CPLANE1: variants seen among roughly 807,000 people sequenced by gnomAD.
CPLANE1 encodes the protein ciliogenesis and planar polarity effector complex subunit 1, also known as ciliogenesis and planar polarity effector 1.
Under a neutral mutation model 362.5 loss-of-function variants are expected in CPLANE1, and 263 were observed. That is an observed-to-expected ratio of 0.73 (90% CI 0.66 to 0.80). The LOEUF (loss-of-function observed/expected upper bound fraction) is 0.80. Ranked by LOEUF, CPLANE1 falls within the 30% of genes least tolerant of loss-of-function variation. CPLANE1 has a pLI of 0.00. For missense variants in CPLANE1, 3,461 were observed against 3,793.4 expected, an observed-to-expected ratio of 0.91 and a Z score of 2.30; for synonymous variants, 1,212 against 1,302.6, an observed-to-expected ratio of 0.93 and a Z score of 1.50.
At chr5:37,172,909 G>A (rs1006934504) in intron 32 of CPLANE1, among the ~76,000 whole-genome samples, 2 of 152,154 alleles carry the variant, frequency 1.3e-5, no homozygotes, top group African/African-American at 4.8e-5. Context: ...GCTTGAACCT[G>A]GGAGGCAGAG....
intron 45 of CPLANE1, 75 bp from the exon 46 acceptor site, chr5:37,138,923 G>T: frequency 7.8e-7 from 1 of 1,282,390 alleles, no homozygotes; most frequent in South Asian, 1.4e-5. Flanking sequence ...AAATAAACAT[G>T]TAACAAATGA....
Position 37,238,885 on chromosome 5 carries a change from T to A in CPLANE1, c.910A>T (p.Ser304Cys). 1.3e-6 allele frequency: 2 copies of A among 1,529,546 alleles called. No individual in the cohort carries two copies. Among genetic ancestry groups the A allele is most frequent in the Non-Finnish European group, 1.8e-6 (2 of 1,137,716 alleles). The allele number at this position is 1,529,546 out of a possible 1,614,324, so 94.7% of individuals were successfully genotyped here. A position where few individuals can be genotyped will look rare whatever the true frequency, so the allele number is the denominator to read the frequency against. ...CGSLKGCSNKSPVVPATLIRS... is the reference protein window; with the variant it reads ...CGSLKGCSNKCPVVPATLIRS... ...ATAAGTGTAGCTGGAACCACGGGAC[T>A]CTTGTTACTACATCCTTTAAGGCTA... Residue 304 changes from serine to cysteine, a missense_variant, in exon 8 of 53, where the codon AGT becomes TGT. Physicochemically the swap from Ser to Cys is moderately radical, Grantham distance 112. Coordinates refer to ENST00000651892, the MANE Select transcript of CPLANE1 (RefSeq NM_001384732.1).
rs570730260 is a variant in CPLANE1 at position 37,130,881 on chromosome 5, G to A, written c.8793-5472C>T. ...TCCTCCTATCTAGGAAAAATGGAATGTCAGAAGTCAACAAAATGGATAAAC... is the reference window on the plus strand; with the variant it reads ...TCCTCCTATCTAGGAAAAATGGAATATCAGAAGTCAACAAAATGGATAAAC... On this transcript the variant is annotated intron_variant, in intron 46 of 52. Transcript: ENST00000651892. Among the ~76,000 whole-genome samples, 3 of 152,330 alleles carry A rather than the reference G, an allele frequency of 2.0e-5. No individual in the cohort carries two copies. The East Asian group carries it at 5.8e-4, about 29-fold the overall frequency.
chr5:37,173,793 T>G lies in CPLANE1; in HGVS notation c.6133A>C (p.Arg2045=). 1 of 1,614,202 alleles carries G rather than the reference T, an allele frequency of 6.2e-7. No individual in the cohort carries two copies. Among genetic ancestry groups the G allele is most frequent in the Non-Finnish European group, 8.5e-7 (1 of 1,180,044 alleles). The change falls in exon 32 of 53, where the codon AGG becomes CGG. Residue 2045 remains arginine (R), a synonymous_variant. Transcript: ENST00000651892. ...AQLPDCSESV[R]QMLQDEMFKL... The stretch of plus-strand genomic sequence containing the variant: ...AACATTTCATCTTGCAGCATCTGCC[T>G]AACGGACTCCGAACAATCTGGTAAC...
chr5:37,132,508 C>A (rs1270348672), intron 46 of CPLANE1, among the ~76,000 whole-genome samples: 1 of 152,032 alleles, frequency 6.6e-6, no homozygotes, highest in East Asian at 1.9e-4. Context: ...CCACGCCCGG[C>A]TAATTTTTTT....
At chr5:37,247,473 T>C in intron 2 of CPLANE1, 145 bp downstream of exon 2, 1 of 578,974 alleles carries the variant, frequency 1.7e-6, no homozygotes, top group Non-Finnish European at 2.8e-6. Context: ...CCCTGTTCAG[T>C]GTGCAGGTAG....
chr5:37,195,877 T>C lies in CPLANE1; in HGVS notation c.3792A>G (p.Glu1264=), dbSNP rs920556502. 1 of 1,611,674 alleles carries C rather than the reference T, an allele frequency of 6.2e-7. No individual in the cohort carries two copies. The highest frequency in any genetic ancestry group is 1.1e-5 in the South Asian group (1 of 90,572). ...ACAAACCTATTGCTCTAATGGAAAC[T>C]TCATCAAGCTTGTGGTCTCCAGCTG... is the stretch of plus-strand genomic sequence containing the variant. The part of the protein sequence containing the change: ...PGAAGDHKLD[E]VSIRAIGCFR... Residue 1264 remains glutamate, a synonymous_variant, in exon 21 of 53, where the codon GAA becomes GAG. Coordinates refer to ENST00000651892, the MANE Select transcript of CPLANE1 (RefSeq NM_001384732.1).
rs979194217 is a variant in CPLANE1, at chr5:37,115,451, T to C, written c.9311-402A>G. 4.6e-5 allele frequency among the ~76,000 whole-genome samples: 7 copies of C among 152,176 alleles called. No individual in the cohort carries two copies. The South Asian group carries it at 8.3e-4, about 18-fold the overall frequency. On this transcript the variant is annotated intron_variant, in intron 50 of 52. Coordinates refer to ENST00000651892, the MANE Select transcript of CPLANE1 (RefSeq NM_001384732.1). Reference sequence around the variant, plus strand: ...TCAAAGATTAATAACAACCATTTACTTCCATGTTATGCAATATCTCTTATT... The same window carrying C: ...TCAAAGATTAATAACAACCATTTACCTCCATGTTATGCAATATCTCTTATT...
Position 37,205,866 on chromosome 5 carries a change from T to C in CPLANE1, c.3149+331A>G, listed in dbSNP as rs192653242. On this transcript the variant is annotated intron_variant, in intron 17 of 52. Transcript: ENST00000651892. ...GTAGTTGGGACCACAGGCACGATCA[T>C]CGCCCCTGGCTATTAATAAATGTTT... Among the ~76,000 whole-genome samples the C allele has an allele frequency of 9.7e-4, 148 of 152,272 alleles. 5 individuals are homozygous for C. The highest frequency in any genetic ancestry group is 6.6e-3 in the Admixed American group (101 of 15,288).
At chr5:37,121,541 G>C in intron 49 of CPLANE1, 76 bp downstream of exon 49, 1 of 1,361,166 alleles carries the variant, frequency 7.3e-7, no homozygotes, top group Non-Finnish European at 1.0e-6. Context: ...ACTGAACTTA[G>C]GTCACGAAAG....
chr5:37,078,715 A>ATT, the CPLANE1 span, among the ~76,000 whole-genome samples: 349 of 142,904 alleles, frequency 2.4e-3, 1 homozygote, highest in African/African-American at 5.7e-3. Context: ...AGCATCTGTT[A>ATT]TTTTTTTTTT....
intron 23 of CPLANE1, 42 bp downstream of exon 23, chr5:37,187,372 T>C (rs775298293): frequency 1.3e-6 from 2 of 1,492,438 alleles, no homozygotes; most frequent in South Asian, 2.6e-5. Context: ...TTTTAAAGTC[T>C]CTGATTCTGA....
chr5:37,238,746 A>G, intron 8 of CPLANE1, 111 bp downstream of exon 8: 1 of 491,426 alleles, frequency 2.0e-6, no homozygotes, highest in Non-Finnish European at 3.6e-6. Flanking sequence ...TGATCCTCTC[A>G]CCTTGGTTTC....
Position 37,209,985 on chromosome 5 carries a change from G to A in CPLANE1, c.2921-3560C>T. On this transcript the variant is annotated intron_variant, in intron 16 of 52. Transcript: ENST00000651892. The surrounding 1 kb of genome is among the most constrained non-coding windows in gnomAD (Gnocchi z 4.6). The stretch of plus-strand genomic sequence containing the variant: ...GCTAAATGAATATAAGAGAGAAATA[G>A]AAGAGCAACTTCGGGAAGAAATATG... The A allele has an allele frequency of 2.2e-6, 2 of 927,692 alleles. No homozygotes were observed. The highest frequency in any genetic ancestry group is 3.5e-6 in the Non-Finnish European group (2 of 567,824). 57.5% of individuals were successfully genotyped at this position (927,692 alleles called of 1,614,324 possible). A position where few individuals can be genotyped will look rare whatever the true frequency, so the allele number is the denominator to read the frequency against.
intron 25 of CPLANE1, 35 bp from the exon 26 acceptor site, chr5:37,183,734 G>T: frequency 7.2e-7 from 1 of 1,390,748 alleles, no homozygotes; most frequent in Non-Finnish European, 9.8e-7. Flanking sequence ...CAAAATTAGA[G>T]ATCATTTAAT....
In CPLANE1 at chr5:37,170,322, T is replaced by A; in HGVS notation, c.6181A>T (p.Ile2061Phe). Residue 2061 changes from isoleucine (I) to phenylalanine (F), a missense_variant, in exon 33 of 53, where the codon ATC becomes TTC. By Grantham distance (21) the Ile-to-Phe change is conservative. Around this residue, in one of 2 missense-constraint regions of CPLANE1, gnomAD observed 3,380 missense variants for 3,666.1 expected, o/e 0.92. Transcript: ENST00000651892. ...ATTTGCATTAGGCTCATGAAGTTGA[T>A]CTGTTGCAGCTTGAATAAAACAAAA... is the stretch of plus-strand genomic sequence containing the variant. ...EMFKLVQLQQ[I>F]NFMSLMQIVG... The A allele has an allele frequency of 6.2e-7, 1 of 1,612,424 alleles. No individual in the cohort carries two copies. The highest frequency in any genetic ancestry group is 8.5e-7 in the Non-Finnish European group (1 of 1,178,752).
rs1254026111 is a variant in CPLANE1 at position 37,197,668 on chromosome 5, G to A, written c.3672+1034C>T. ...GCTAAATTTGTGTTAATTTGGTAGG[G>A]TAGTAATAGAAAACTAATATGGCTC... is the stretch of plus-strand genomic sequence containing the variant. On this transcript the variant is annotated intron_variant, in intron 20 of 52. Transcript: ENST00000651892. 2.0e-5 allele frequency among the ~76,000 whole-genome samples: 3 copies of A among 152,148 alleles called. No individual in the cohort carries two copies. In the East Asian group the frequency reaches 5.8e-4, roughly 29 times the overall value.
At chr5:37,195,446 C>T (rs1787080479) in intron 21 of CPLANE1, among the ~76,000 whole-genome samples, 1 of 151,704 alleles carries the variant, frequency 6.6e-6, no homozygotes, top group South Asian at 2.1e-4. Flanking sequence ...ACAAAAAATA[C>T]AAAAATTAGC....
intron 8 of CPLANE1, among the ~76,000 whole-genome samples, chr5:37,237,765 G>A (rs1282710514): frequency 2.6e-5 from 4 of 152,182 alleles, no homozygotes; most frequent in Non-Finnish European, 4.4e-5. Flanking sequence ...CAGGAGAATG[G>A]CGTGAGCCCG....
Sources: allele counts gnomAD v4.1 joint callset (sites outside exome capture counted in the v4.1 genomes callset), GRCh38; gene constraint gnomAD v4.1.1; regional missense constraint gnomAD v4.1.1; non-coding constraint Gnocchi (gnomAD v3.1); transcripts MANE v1.5; gene names NCBI Gene and HGNC (gene_info 2026-07-23, HGNC 2026-07-21).